The following DSCAM variants were observed in gnomAD, a reference collection of about 807,000 sequenced individuals.
DSCAM encodes the protein cell adhesion molecule DSCAM.
DSCAM carries 47 observed loss-of-function variants against 217.7 expected under a neutral mutation model. The ratio of observed to expected loss-of-function variants is 0.22; its 90% confidence interval spans 0.17 to 0.28. The LOEUF (loss-of-function observed/expected upper bound fraction) is 0.28, where lower values mean the gene tolerates loss of function less well. DSCAM is among the 10% of genes least tolerant of loss of function. The probability of loss-of-function intolerance (pLI) is 1.00; values close to 1 mark genes in which losing one functional copy is unlikely to be tolerated. For missense variants in DSCAM, 2,080 were observed against 2,618.3 expected, an observed-to-expected ratio of 0.79 and a Z score of 4.49; for synonymous variants, 1,056 against 1,015.3, an observed-to-expected ratio of 1.04 and a Z score of -0.76.
At chr21:40,041,462 C>T (rs1036195176) in intron 32 of DSCAM, among the ~76,000 whole-genome samples, 7 of 151,470 alleles carry the variant, frequency 4.6e-5, no homozygotes, top group Non-Finnish European at 8.8e-5. Flanking sequence ...CCAAGTTTTC[C>T]GGCTTCTCTT....
intron 18 of DSCAM, among the ~76,000 whole-genome samples, chr21:40,140,125 C>T (rs2090271463): frequency 6.6e-6 from 1 of 152,028 alleles, no homozygotes; most frequent in South Asian, 2.1e-4. Context: ...GCAAAAGTGT[C>T]CAGTAGCCCC....
At chr21:40,136,194 C>T (rs1023296731) in intron 18 of DSCAM, among the ~76,000 whole-genome samples, 1 of 152,208 alleles carries the variant, frequency 6.6e-6, no homozygotes, top group African/African-American at 2.4e-5. Flanking sequence ...ACCAGGTAGT[C>T]AAAATATCAA....
chr21:40,389,786 A>G (rs2075117721), intron 3 of DSCAM, among the ~76,000 whole-genome samples: 1 of 152,204 alleles, frequency 6.6e-6, no homozygotes, highest in African/African-American at 2.4e-5. Context: ...TTCCTACCCA[A>G]TGGCCATGCC....
chr21:40,590,877 T>C (rs1325239120), intron 3 of DSCAM, among the ~76,000 whole-genome samples: 1 of 152,166 alleles, frequency 6.6e-6, no homozygotes, highest in Non-Finnish European at 1.5e-5. Context: ...TAAAAACATG[T>C]ATTCTAACCA....
At chr21:40,258,236 A>G (rs1011461788) in intron 11 of DSCAM, among the ~76,000 whole-genome samples, 1 of 152,140 alleles carries the variant, frequency 6.6e-6, no homozygotes, top group African/African-American at 2.4e-5. Flanking sequence ...ATCTTCTTCT[A>G]TGTCTGGCAT....
At chr21:40,817,515 C>T (rs1471295268) in intron 1 of DSCAM, among the ~76,000 whole-genome samples, 1 of 152,144 alleles carries the variant, frequency 6.6e-6, no homozygotes, top group East Asian at 1.9e-4. Flanking sequence ...GGAGAGCGCC[C>T]TGTTTGTCCA....
chr21:40,794,414 G>T (rs989340553), intron 1 of DSCAM, among the ~76,000 whole-genome samples: 1 of 151,836 alleles, frequency 6.6e-6, no homozygotes, highest in African/African-American at 2.4e-5. Context: ...TGTTTCATTG[G>T]TCTTTGGGGA....
Position 40,339,291 on chromosome 21 carries a change from G to T in DSCAM, c.1335C>A (p.Asp445Glu). ...GGTGACTGCCACCCTTGAGAATCGG[G>T]TCATCGTCCAGGGTCCACGTGATCG... The part of the protein sequence containing the change: ...LPTITWTLDD[D>E]PILKGGSHRI... Residue 445 changes from aspartate (D) to glutamate (E), a missense_variant, in exon 7 of 33, where the codon GAC (aspartate) becomes GAA (glutamate). This residue lies in a region of DSCAM where 568 missense variants were observed against 678.1 expected (regional missense o/e 0.84). Transcript: ENST00000400454. 1.2e-6 allele frequency: 2 copies of T among 1,614,170 alleles called. No homozygotes were observed. The highest frequency in any genetic ancestry group is 8.5e-7 in the Non-Finnish European group (1 of 1,180,036).
chr21:40,072,600 G>A (rs2089311615), intron 27 of DSCAM, among the ~76,000 whole-genome samples: 1 of 151,912 alleles, frequency 6.6e-6, no homozygotes, highest in Admixed American at 6.6e-5. Flanking sequence ...CGCCCACCTT[G>A]GCCTCCCAAA....
chr21:40,810,288 T>G (rs940440722), intron 1 of DSCAM, among the ~76,000 whole-genome samples: 1 of 151,716 alleles, frequency 6.6e-6, no homozygotes. Flanking sequence ...CAGGAAGGAG[T>G]GTGTGGTAAT....
chr21:40,756,082 G>C (rs1401187063), intron 1 of DSCAM, among the ~76,000 whole-genome samples: 2 of 152,232 alleles, frequency 1.3e-5, no homozygotes, highest in South Asian at 2.1e-4. Context: ...AATGTTGAAG[G>C]TGGGGTCTGG....
chr21:40,836,098 A>G (rs1276965972), intron 1 of DSCAM, among the ~76,000 whole-genome samples: 2 of 152,216 alleles, frequency 1.3e-5, no homozygotes, highest in Admixed American at 6.5e-5. Context: ...AGCTGCAAAC[A>G]GATCCACTCT....
At chr21:40,297,011 A>G (rs576759175) in intron 9 of DSCAM, among the ~76,000 whole-genome samples, 1 of 152,276 alleles carries the variant, frequency 6.6e-6, no homozygotes, top group South Asian at 2.1e-4. Flanking sequence ...TCGAGAATAC[A>G]ATGTGGGACT....
chr21:40,581,387 A>G (rs2076904615), intron 3 of DSCAM, among the ~76,000 whole-genome samples: 1 of 152,160 alleles, frequency 6.6e-6, no homozygotes, highest in Non-Finnish European at 1.5e-5. Context: ...CTGGTGAGGT[A>G]TACACTCTCA....
intron 1 of DSCAM, among the ~76,000 whole-genome samples, chr21:40,805,992 G>T (rs1286760559): frequency 6.6e-6 from 1 of 152,124 alleles, no homozygotes; most frequent in African/African-American, 2.4e-5. Flanking sequence ...ACAGACATGA[G>T]CCACCGCACC....
intron 8 of DSCAM, among the ~76,000 whole-genome samples, chr21:40,316,621 C>G (rs1569059642): frequency 6.6e-6 from 1 of 152,092 alleles, no homozygotes; most frequent in Admixed American, 6.6e-5. Context: ...ATCATAGGAG[C>G]AGAAATCCTG....
chr21:40,187,102 A>G (rs373008816), intron 14 of DSCAM, 29 bp downstream of exon 14: 1 of 1,610,316 alleles, frequency 6.2e-7, no homozygotes, highest in South Asian at 1.1e-5. Context: ...CTGAGGTGGA[A>G]GGGAAGCTGG....
intron 1 of DSCAM, among the ~76,000 whole-genome samples, chr21:40,827,667 C>A (rs1003553705): frequency 2.0e-5 from 3 of 152,196 alleles, no homozygotes; most frequent in Admixed American, 1.3e-4. Flanking sequence ...TGTGTACAGA[C>A]CAGCTGCTTG....
chr21:40,422,012 C>T (rs1186210857), intron 3 of DSCAM, among the ~76,000 whole-genome samples: 7 of 152,192 alleles, frequency 4.6e-5, no homozygotes, highest in African/African-American at 9.6e-5. Flanking sequence ...AAACTGAATG[C>T]CTCATTGACA....
Sources: allele counts gnomAD v4.1 joint callset (sites outside exome capture counted in the v4.1 genomes callset), GRCh38; gene constraint gnomAD v4.1.1; regional missense constraint gnomAD v4.1.1; transcripts MANE v1.5; gene names NCBI Gene and HGNC (gene_info 2026-07-23, HGNC 2026-07-21).